The following FGGY variants were observed in gnomAD, a reference collection of about 807,000 sequenced individuals.
The protein encoded by FGGY is FGGY carbohydrate kinase domain-containing protein.
Under a neutral mutation model 71.3 loss-of-function variants are expected in FGGY, and 72 were observed. That is an observed-to-expected ratio of 1.01 (90% CI 0.84 to 1.23). The LOEUF is 1.23. FGGY is among the 50% of genes most tolerant of loss of function. The pLI is 0.00. For missense variants in FGGY, 668 were observed against 682.3 expected (o/e 0.98, Z 0.23); for synonymous variants, 251 against 250.3 (o/e 1.00, Z -0.02).
chr1:59,564,679 G>T (rs2095847087), intron 8 of FGGY, among the ~76,000 whole-genome samples: 1 of 152,230 alleles, frequency 6.6e-6, no homozygotes, highest in Admixed American at 6.5e-5. Context: ...CATGCCACTG[G>T]CAGGAATGTC....
intron 4 of FGGY, among the ~76,000 whole-genome samples, chr1:59,360,451 T>C (rs2055274541): frequency 1.3e-5 from 2 of 152,174 alleles, no homozygotes; most frequent in African/African-American, 2.4e-5. Context: ...TGGGAAGCAG[T>C]AGCTGGAGAG....
intron 6 of FGGY, among the ~76,000 whole-genome samples, chr1:59,499,968 A>C (rs1004822607): frequency 6.6e-6 from 1 of 152,120 alleles, no homozygotes; most frequent in African/African-American, 2.4e-5. Context: ...TTTCCCTTTA[A>C]GGATTTCAAA....
rs1388557963 is a variant in FGGY, at chr1:59,638,269, T to C, written c.1115T>C (p.Leu372Pro). Reference protein sequence around the residue: ...IYAYLNSHLDLIKKAQPVGFL... With the variant: ...IYAYLNSHLDPIKKAQPVGFL... ...GCATATTTGAACAGTCACCTGGATC[T>C]GATTAAGAAGGCTCAGCCTGTGGGT... is the stretch of plus-strand genomic sequence containing the variant. The change falls in exon 11 of 16, where the codon CTG (leucine) becomes CCG (proline). Residue 372 changes from leucine to proline, a missense_variant. Transcript: ENST00000303721. 1.9e-6 allele frequency: 3 copies of C among 1,614,100 alleles called. No individual in the cohort carries two copies. Among genetic ancestry groups the C allele is most frequent in the Non-Finnish European group, 2.5e-6 (3 of 1,180,038 alleles).
intron 5 of FGGY, among the ~76,000 whole-genome samples, chr1:59,395,432 G>A (rs1488151798): frequency 6.6e-6 from 1 of 151,994 alleles, no homozygotes; most frequent in Non-Finnish European, 1.5e-5. Context: ...TTGTTTCCCT[G>A]CATTCAGCCT....
At position 59,511,966 on chromosome 1, in the gene FGGY, GTTAGGAAGCCCA is replaced by G. The variant is rs1274744404; in HGVS notation, c.671-342_671-331del. The stretch of plus-strand genomic sequence containing the variant: ...TTAAGTAGGTTAGTAGATCTGCTGT[GTTAGGAAGCCCA>G]TTTGGAATGGTTTGAGCATTTAAAC... On this transcript the variant is annotated intron_variant, in intron 6 of 15. Transcript: ENST00000303721. Among the ~76,000 whole-genome samples, 4 of 152,198 alleles carry G rather than the reference GTTAGGAAGCCCA, an allele frequency of 2.6e-5. No individual in the cohort carries two copies. The East Asian group carries it at 7.7e-4, about 29-fold the overall frequency.
intron 11 of FGGY, among the ~76,000 whole-genome samples, chr1:59,653,338 G>A (rs922159693): frequency 8.5e-5 from 13 of 152,296 alleles, no homozygotes; most frequent in South Asian, 8.3e-4. Context: ...AATGGCGGGC[G>A]CCCCTCCCCC....
chr1:59,430,744 G>T (rs148930857), intron 5 of FGGY, among the ~76,000 whole-genome samples: 1 of 152,018 alleles, frequency 6.6e-6, no homozygotes, highest in East Asian at 1.9e-4. Context: ...TCTCAGTGTC[G>T]TCAGAGTACA....
intron 5 of FGGY, among the ~76,000 whole-genome samples, chr1:59,399,082 G>T (rs1319732477): frequency 6.6e-6 from 1 of 152,126 alleles, no homozygotes; most frequent in Non-Finnish European, 1.5e-5. Context: ...GGGCCTCTTT[G>T]TATCTCAGTT....
chr1:59,370,970 C>T (rs2057511756), intron 4 of FGGY, among the ~76,000 whole-genome samples: 1 of 151,724 alleles, frequency 6.6e-6, no homozygotes, highest in Non-Finnish European at 1.5e-5. Context: ...ATGTAAAGAC[C>T]ATCGAGACTA....
chr1:59,560,410 G>T (rs1169340977), intron 8 of FGGY, among the ~76,000 whole-genome samples: 1 of 152,106 alleles, frequency 6.6e-6, no homozygotes, highest in African/African-American at 2.4e-5. Context: ...AGAACATTAG[G>T]TAAAATCTAA....
At chr1:59,374,814 A>G (rs2058356916) in intron 4 of FGGY, among the ~76,000 whole-genome samples, 1 of 150,544 alleles carries the variant, frequency 6.6e-6, no homozygotes, top group African/African-American at 2.4e-5. Flanking sequence ...AAGAACAAAA[A>G]ACCAAACACC....
At chr1:59,533,098 G>A (rs1485384094) in intron 7 of FGGY, among the ~76,000 whole-genome samples, 1 of 151,986 alleles carries the variant, frequency 6.6e-6, no homozygotes, top group African/African-American at 2.4e-5. Flanking sequence ...GAGGTACGGG[G>A]TTCATCTCAC....
intron 7 of FGGY, among the ~76,000 whole-genome samples, chr1:59,529,321 G>C (rs2095076285): frequency 6.6e-6 from 1 of 152,280 alleles, no homozygotes; most frequent in East Asian, 1.9e-4. Context: ...ATATGCTAGA[G>C]AGTCTACATG....
At chr1:59,302,318 T>A (rs1016556356) in intron 1 of FGGY, among the ~76,000 whole-genome samples, 44 of 152,190 alleles carry the variant, frequency 2.9e-4, no homozygotes, top group African/African-American at 9.9e-4. Flanking sequence ...CCATTTTGAT[T>A]TTTTCTGGAA....
At chr1:59,400,321 G>A (rs531256345) in intron 5 of FGGY, among the ~76,000 whole-genome samples, 1 of 152,222 alleles carries the variant, frequency 6.6e-6, no homozygotes, top group African/African-American at 2.4e-5. Flanking sequence ...TAAGCTGCAT[G>A]CTTACCACCT....
chr1:59,627,483 TATATATACAC>T (rs1175675983), intron 10 of FGGY, among the ~76,000 whole-genome samples: 3,134 of 127,834 alleles, frequency 0.025, 135 homozygotes, highest in African/African-American at 0.1. Context: ...TATATATATA[TATATATACAC>T]ACACACACAC....
chr1:59,402,555 C>T (rs1029961662), intron 5 of FGGY, among the ~76,000 whole-genome samples: 11 of 152,076 alleles, frequency 7.2e-5, no homozygotes, highest in African/African-American at 1.7e-4. Context: ...TATGTTTTTG[C>T]GGACTCTGAA....
intron 14 of FGGY, chr1:59,698,707 A>G: frequency 3.1e-6 from 3 of 960,950 alleles, no homozygotes; most frequent in Non-Finnish European, 3.7e-6. Flanking sequence ...CAAAGGGATG[A>G]ATCCATTACC....
At chr1:59,718,036 T>C (rs1282956837) in intron 14 of FGGY, among the ~76,000 whole-genome samples, 3 of 152,242 alleles carry the variant, frequency 2.0e-5, no homozygotes, top group Non-Finnish European at 4.4e-5. Flanking sequence ...CCCATGCAGT[T>C]TGGCCCCTGA....
Sources: gnomAD v4.1 joint callset for allele counts (sites outside exome capture counted in the v4.1 genomes callset) on GRCh38, gnomAD v4.1.1 for gene constraint, MANE v1.5 for transcripts, NCBI Gene and HGNC (gene_info 2026-07-23, HGNC 2026-07-21) for gene names.